The following RNF125 variants were observed in gnomAD, a reference collection of about 807,000 sequenced individuals.
RNF125 encodes the protein ring finger protein 125, also known as E3 ubiquitin-protein ligase RNF125.
Under a neutral mutation model 26.0 loss-of-function variants are expected in RNF125, and 21 were observed. The ratio of observed to expected loss-of-function variants is 0.81; its 90% CI spans 0.57 to 1.16. The LOEUF is 1.16. Ranked by LOEUF, RNF125 falls within the 50% of genes most tolerant of loss-of-function variation. The pLI, the probability that RNF125 is intolerant of heterozygous loss-of-function variation, is 0.00. For synonymous variants in RNF125, 95 were observed against 109.2 expected, an observed-to-expected ratio of 0.87 and a Z score of 0.81; for missense variants, 270 against 299.4, an observed-to-expected ratio of 0.90 and a Z score of 0.72.
intron 4 of RNF125, among the ~76,000 whole-genome samples, chr18:32,055,979 CAAAAAAAAA>C (rs67968645): frequency 1.3e-5 from 1 of 78,862 alleles, no homozygotes; most frequent in South Asian, 4.9e-4. Flanking sequence ...AACTCCATCT[CAAAAAAAAA>C]AAAAAAAAAA....
At chr18:32,076,551 T>C (rs2039571752), downstream of RNF125, among the ~76,000 whole-genome samples, 1 of 152,136 alleles carries the variant, frequency 6.6e-6, no homozygotes, top group Admixed American at 6.6e-5. Context: ...ACTCCAGCCA[T>C]TCTCTTGCTT....
rs200126697 is a variant in RNF125 at position 32,045,131 on chromosome 18, TAGAA to T, written c.414-503_414-500del. Among the ~76,000 whole-genome samples, 369 of 141,560 alleles carry T rather than the reference TAGAA, an allele frequency of 2.6e-3. 2 individuals are homozygous for T. The highest frequency in any genetic ancestry group is 5.6e-4 in the Non-Finnish European group (36 of 64,126). The allele number at this position is 141,560 out of a possible 152,430, so 92.9% of individuals were successfully genotyped here. ...AGACTCCCTCTCCAAAAAAAAAAAA[TAGAA>T]AGAAAGACAGAAAAAGAAAAGTGAC... On this transcript the variant is annotated intron_variant, in intron 3 of 5. Coordinates refer to ENST00000217740, the MANE Select transcript of RNF125 (RefSeq NM_017831.4).
the RNF125 span, among the ~76,000 whole-genome samples, chr18:32,080,166 T>C: frequency 2.2e-4 from 33 of 152,230 alleles, no homozygotes; most frequent in African/African-American, 7.5e-4. Context: ...GTAGCTGGGA[T>C]TACAGGCACG....
intron 1 of RNF125, among the ~76,000 whole-genome samples, chr18:32,033,400 T>C (rs1406260644): frequency 6.6e-6 from 1 of 151,852 alleles, no homozygotes; most frequent in African/African-American, 2.4e-5. Context: ...TGGTGGCACA[T>C]GCATGTAATC....
intron 4 of RNF125, among the ~76,000 whole-genome samples, chr18:32,060,044 G>C (rs1598825084): frequency 6.6e-6 from 1 of 152,200 alleles, no homozygotes. Flanking sequence ...TAAAACAAAG[G>C]TAGAGAAAAT....
At chr18:32,039,651 T>C (rs534609488) in intron 2 of RNF125, among the ~76,000 whole-genome samples, 62 of 152,322 alleles carry the variant, frequency 4.1e-4, no homozygotes, top group African/African-American at 1.4e-3. Context: ...CATCCAATTC[T>C]TGATCCCACC....
the RNF125 span, among the ~76,000 whole-genome samples, chr18:32,079,970 C>T: frequency 6.6e-6 from 1 of 152,152 alleles, no homozygotes; most frequent in Non-Finnish European, 1.5e-5. Flanking sequence ...ATGGACTAAC[C>T]TAGGTAATCA....
chr18:32,079,326 C>T, the RNF125 span, among the ~76,000 whole-genome samples: 1 of 152,174 alleles, frequency 6.6e-6, no homozygotes, highest in South Asian at 2.1e-4. Flanking sequence ...TAATTACCAT[C>T]CAAATGCCCC....
intron 1 of RNF125, among the ~76,000 whole-genome samples, chr18:32,028,540 C>T (rs998314817): frequency 2.0e-5 from 3 of 150,688 alleles, no homozygotes; most frequent in African/African-American, 2.4e-5. Flanking sequence ...ATAGCCATCT[C>T]GAAGTATGTC....
At chr18:32,087,909 G>A in the RNF125 span, among the ~76,000 whole-genome samples, 4 of 152,136 alleles carry the variant, frequency 2.6e-5, no homozygotes, top group African/African-American at 9.6e-5. Context: ...ATAACAATAC[G>A]AAGATCCACC....
intron 1 of RNF125, among the ~76,000 whole-genome samples, chr18:32,036,445 G>A (rs1452680275): frequency 6.6e-6 from 1 of 151,246 alleles, no homozygotes; most frequent in African/African-American, 2.4e-5. Flanking sequence ...CTATGTTTAT[G>A]GAGTCTTCAA....
intron 4 of RNF125, among the ~76,000 whole-genome samples, chr18:32,055,783 C>A (rs777328354): frequency 1.3e-5 from 2 of 151,820 alleles, no homozygotes; most frequent in Non-Finnish European, 2.9e-5. Flanking sequence ...TAGTTTGAGA[C>A]CAGCCTGACC....
intron 4 of RNF125, among the ~76,000 whole-genome samples, chr18:32,049,109 C>G (rs1406757313): frequency 3.9e-5 from 6 of 152,164 alleles, no homozygotes; most frequent in Non-Finnish European, 8.8e-5. Context: ...CCTGCTCCAG[C>G]AGAAATCCAG....
At chr18:32,024,167 C>CA (rs1233323499) in intron 1 of RNF125, among the ~76,000 whole-genome samples, 8 of 139,452 alleles carry the variant, frequency 5.7e-5, no homozygotes, top group Non-Finnish European at 1.1e-4. Context: ...TTTCCATTAA[C>CA]AAAAAAATCA....
the RNF125 span, among the ~76,000 whole-genome samples, chr18:32,087,245 C>T: frequency 5.3e-5 from 8 of 150,968 alleles, no homozygotes; most frequent in African/African-American, 1.5e-4. Flanking sequence ...CCCACTCTTT[C>T]GGTTTCATTA....
chr18:32,075,693 C>CCA (rs2039565522), downstream of RNF125, among the ~76,000 whole-genome samples: 3 of 92,158 alleles, frequency 3.3e-5, 1 homozygote, highest in Admixed American at 3.9e-4. Flanking sequence ...AACTCCATCT[C>CCA]AAAAAAAAAA....
chr18:32,063,376 G>T (rs2039453124), intron 4 of RNF125, among the ~76,000 whole-genome samples: 1 of 152,004 alleles, frequency 6.6e-6, no homozygotes, highest in African/African-American at 2.4e-5. Context: ...TGAGATACCA[G>T]TACACGTTTA....
chr18:32,074,207 A>G (rs2039554362), downstream of RNF125, among the ~76,000 whole-genome samples: 1 of 152,180 alleles, frequency 6.6e-6, no homozygotes, highest in South Asian at 2.1e-4. Flanking sequence ...GCATTTGTAT[A>G]TCACTGTGTG....
rs531751585 is a variant in RNF125 at position 32,050,865 on chromosome 18, C to CTT, written c.504+5166_504+5167dup. 5.1e-3 allele frequency among the ~76,000 whole-genome samples: 235 copies of CTT among 46,330 alleles called. 67 individuals carry two copies. Among genetic ancestry groups the CTT allele is most frequent in the East Asian group, 6.5e-3 (7 of 1,084 alleles). 30.4% of individuals were successfully genotyped at this position (46,330 alleles called of 152,430 possible). On this transcript the variant is annotated intron_variant, in intron 4 of 5. Transcript: ENST00000217740. ...CCAGCTAGTCTCTCGGTCTAGAGTG[C>CTT]TTTTTTTTTTTTTTTTTTTTTTTTT...
Sources: gnomAD v4.1 joint callset for allele counts (sites outside exome capture counted in the v4.1 genomes callset) on GRCh38, gnomAD v4.1.1 for gene constraint, MANE v1.5 for transcripts, NCBI Gene and HGNC (gene_info 2026-07-23, HGNC 2026-07-21) for gene names.